TRIM67: variants seen among roughly 807,000 people sequenced by gnomAD.
TRIM67 encodes tripartite motif-containing protein 67.
A neutral mutation model predicts 71.0 loss-of-function variants in TRIM67; 39 were observed. That is an observed-to-expected ratio of 0.55 (90% CI 0.43 to 0.72). The LOEUF (loss-of-function observed/expected upper bound fraction) is 0.72. TRIM67 is among the 30% of genes least tolerant of loss of function. The pLI is 0.00. For missense variants in TRIM67, 973 were observed against 1,079.2 expected (o/e 0.90, Z 1.38); for synonymous variants, 481 against 473.9 (o/e 1.01, Z -0.19).
chr1:231,213,164 C>T (rs946063555), intron 8 of TRIM67, among the ~76,000 whole-genome samples: 1 of 152,154 alleles, frequency 6.6e-6, no homozygotes, highest in East Asian at 1.9e-4. Context: ...TTTTCTTTGG[C>T]AGGAAAAGGT....
intron 1 of TRIM67, among the ~76,000 whole-genome samples, chr1:231,183,268 G>T (rs1682957343): frequency 6.6e-6 from 1 of 152,082 alleles, no homozygotes; most frequent in African/African-American, 2.4e-5. Flanking sequence ...CTGAGCAAAG[G>T]AATCCAACTC....
At chr1:231,202,785 C>G (rs1334974621) in intron 5 of TRIM67, among the ~76,000 whole-genome samples, 1 of 152,176 alleles carries the variant, frequency 6.6e-6, no homozygotes, top group Non-Finnish European at 1.5e-5. Context: ...GTAAATGACA[C>G]GCAGTGCTGA....
chr1:231,187,571 A>T, intron 1 of TRIM67: 1 of 1,532,716 alleles, frequency 6.5e-7, no homozygotes, highest in Non-Finnish European at 8.7e-7. Flanking sequence ...GGTCCATTTC[A>T]CAACCTCCTT....
At chr1:231,206,609 C>A (rs764930452) in intron 6 of TRIM67, 43 bp from the exon 7 acceptor site, 231 of 1,499,810 alleles carry the variant, frequency 1.5e-4, no homozygotes, top group Non-Finnish European at 2.0e-4. Flanking sequence ...AGGAGCTTTC[C>A]AAATGCTAGA....
chr1:231,164,043 G>T, intron 1 of TRIM67, 30 bp downstream of exon 1: 1 of 1,470,174 alleles, frequency 6.8e-7, no homozygotes. Context: ...GAGTGCAGGT[G>T]CCAGGGAAGA....
intron 9 of TRIM67, among the ~76,000 whole-genome samples, chr1:231,214,759 A>G (rs753582455): frequency 2.1e-5 from 3 of 140,814 alleles, no homozygotes; most frequent in Non-Finnish European, 4.6e-5. Flanking sequence ...AGCCTGGGTG[A>G]TAGAGCGAGA....
chr1:231,175,359 G>A (rs577073129), intron 1 of TRIM67, among the ~76,000 whole-genome samples: 2 of 152,212 alleles, frequency 1.3e-5, no homozygotes, highest in Non-Finnish European at 2.9e-5. Flanking sequence ...GGGGATCTCA[G>A]GAAGTGTGAG....
Position 231,209,342 on chromosome 1 carries a change from C to A in TRIM67, c.2123+92C>A. 2 of 1,364,008 alleles carry A rather than the reference C, an allele frequency of 1.5e-6. No homozygotes were observed. The highest frequency in any genetic ancestry group is 2.6e-5 in the East Asian group (1 of 38,732). The allele number at this position is 1,364,008 out of a possible 1,614,324, so 84.5% of individuals were successfully genotyped here. On this transcript the variant is annotated intron_variant, in intron 8 of 9. Coordinates refer to ENST00000366653, the MANE Select transcript of TRIM67 (RefSeq NM_001004342.5). This position sits in a 1 kb window ranked among gnomAD's most constrained non-coding sequence, Gnocchi z 4.1. The stretch of plus-strand genomic sequence containing the variant: ...AGTGTCCCTTCTGCTGTCCCCAAAG[C>A]CAGGAGGAATTGAGAGGAGGTATTT...
intron 1 of TRIM67, among the ~76,000 whole-genome samples, chr1:231,189,612 C>T (rs997465894): frequency 1.3e-5 from 2 of 152,082 alleles, no homozygotes; most frequent in Admixed American, 6.5e-5. Flanking sequence ...GCTAGGAAGT[C>T]CAAGATCAGT....
chr1:231,206,940 G>A (rs945331939), intron 7 of TRIM67, 150 bp downstream of exon 7: 97 of 768,248 alleles, frequency 1.3e-4, no homozygotes, highest in Non-Finnish European at 1.6e-4. Context: ...GCCCTTCTGG[G>A]ACCACAGGCG....
chr1:231,214,848 C>A, intron 9 of TRIM67, among the ~76,000 whole-genome samples: 1 of 151,774 alleles, frequency 6.6e-6, no homozygotes, highest in Non-Finnish European at 1.5e-5. Context: ...GCCTGTAACT[C>A]CAGTACTTTG....
At chr1:231,167,785 G>T (rs1250992652) in intron 1 of TRIM67, among the ~76,000 whole-genome samples, 1 of 152,118 alleles carries the variant, frequency 6.6e-6, no homozygotes, top group African/African-American at 2.4e-5. Flanking sequence ...CTGCCAAAGG[G>T]CAGGTGGCTT....
chr1:231,163,432 A>C lies in TRIM67; in HGVS notation c.463A>C (p.Ser155Arg). ...AACSSLSSSS[S>R]SITCPQCHRS... ...CTGCTCCTCGCTGTCCTCGTCTTCG[A>C]GCTCCATCACGTGCCCGCAGTGCCA... The change falls in exon 1 of 10, where the codon AGC becomes CGC. Residue 155 changes from serine (S) to arginine (R), a missense_variant. Coordinates refer to ENST00000366653, the MANE Select transcript of TRIM67 (RefSeq NM_001004342.5). The C allele has an allele frequency of 6.5e-7, 1 of 1,539,806 alleles. No individual in the cohort carries two copies. The highest frequency in any genetic ancestry group is 8.7e-7 in the Non-Finnish European group (1 of 1,147,650).
rs1684065489 is a variant in TRIM67 at position 231,218,323 on chromosome 1, T to A, written c.*2883T>A. The A allele has an allele frequency of 1.0e-6, 1 of 986,268 alleles. No homozygotes were observed. Among genetic ancestry groups the A allele is most frequent in the South Asian group, 4.7e-5 (1 of 21,344 alleles). 61.1% of individuals were successfully genotyped at this position (986,268 alleles called of 1,614,324 possible). ...GGCTTTTGTTGGGCTGGCTGAGGAG[T>A]AACTTGGTGTAAATCTATCAAGCAG... is the stretch of plus-strand genomic sequence containing the variant. On this transcript the variant is annotated 3_prime_UTR_variant, in exon 10 of 10. Transcript: ENST00000366653.
chr1:231,180,017 A>C (rs1024024357), intron 1 of TRIM67, among the ~76,000 whole-genome samples: 2 of 152,174 alleles, frequency 1.3e-5, no homozygotes, highest in Non-Finnish European at 2.9e-5. Context: ...CACCAAAAGT[A>C]AGTGTATTGA....
chr1:231,202,264 G>GGTGGCTGAGATAATGGA (rs1683572818), intron 5 of TRIM67, among the ~76,000 whole-genome samples: 1 of 2,226 alleles, frequency 4.5e-4, no homozygotes, highest in Non-Finnish European at 1.4e-3. Context: ...AGGAGGAGGT[G>GGTGGCTGAGATAATGGA]GTGGCGGAGG....
At position 231,178,355 on chromosome 1, in the gene TRIM67, C is replaced by T. The variant is rs189920484; in HGVS notation, c.1044+14342C>T. On this transcript the variant is annotated intron_variant, in intron 1 of 9. Transcript: ENST00000366653. ...CAAGCCAACAATCCTAAAACTCCTCCTTTTGCCATGGACTGACGGCATATT... is the reference window on the plus strand; with the variant it reads ...CAAGCCAACAATCCTAAAACTCCTCTTTTTGCCATGGACTGACGGCATATT... 3.9e-5 allele frequency among the ~76,000 whole-genome samples: 6 copies of T among 152,306 alleles called. No homozygotes were observed. In the East Asian group the frequency reaches 1.2e-3, roughly 29 times the overall value.
intron 1 of TRIM67, among the ~76,000 whole-genome samples, chr1:231,170,794 T>A (rs1482600472): frequency 6.6e-6 from 1 of 152,090 alleles, no homozygotes; most frequent in African/African-American, 2.4e-5. Flanking sequence ...TTTGGAAGAG[T>A]TGAGTGGTTG....
intron 1 of TRIM67, among the ~76,000 whole-genome samples, chr1:231,190,119 AT>A (rs1683192836): frequency 6.6e-6 from 1 of 152,196 alleles, no homozygotes; most frequent in African/African-American, 2.4e-5. Flanking sequence ...ATAGGAACCC[AT>A]GACAGAGTGA....
Sources: gnomAD v4.1 joint callset for allele counts (sites outside exome capture counted in the v4.1 genomes callset) on GRCh38, gnomAD v4.1.1 for gene constraint, Gnocchi (gnomAD v3.1) non-coding constraint, MANE v1.5 for transcripts, NCBI Gene and HGNC (gene_info 2026-07-23, HGNC 2026-07-21) for gene names.